Variants in VCF1 observed in about 807,000 individuals in gnomAD.
The protein encoded by VCF1 is protein VCF1.
At chr17:73,223,259 G>A in the VCF1 span, among the ~76,000 whole-genome samples, 1 of 152,168 alleles carries the variant, frequency 6.6e-6, no homozygotes, top group African/African-American at 2.4e-5. Context: ...AGAGGTTATG[G>A]CAAGCCGAGA....
At chr17:73,227,309 C>T in the VCF1 span, 21 of 1,469,564 alleles carry the variant, frequency 1.4e-5, no homozygotes, top group African/African-American at 8.7e-5. Flanking sequence ...CCCAAACAAC[C>T]GATGTTTTGG....
At chr17:73,229,337 T>C in the VCF1 span, 13 of 985,486 alleles carry the variant, frequency 1.3e-5, no homozygotes, top group African/African-American at 1.7e-5. Flanking sequence ...TACAGCTTCA[T>C]GCTCATCCCT....
At chr17:73,224,566 C>G in the VCF1 span, among the ~76,000 whole-genome samples, 3 of 152,146 alleles carry the variant, frequency 2.0e-5, no homozygotes, top group African/African-American at 7.2e-5. Context: ...AATATTTTGT[C>G]TAAATTGTTA....
the VCF1 span, among the ~76,000 whole-genome samples, chr17:73,211,153 CAT>C: frequency 6.6e-6 from 1 of 152,084 alleles, no homozygotes; most frequent in East Asian, 1.9e-4. Context: ...AAAGTCTACA[CAT>C]AAGAAAAAAA....
the VCF1 span, chr17:73,212,546 CAA>C: frequency 1.6e-6 from 1 of 612,016 alleles, no homozygotes; most frequent in Admixed American, 3.8e-5. Context: ...CTTAAGAAGT[CAA>C]AGTCAAAAAC....
At chr17:73,223,678 T>C in the VCF1 span, among the ~76,000 whole-genome samples, 1 of 151,846 alleles carries the variant, frequency 6.6e-6, no homozygotes, top group African/African-American at 2.4e-5. Flanking sequence ...GTTCAAGTTA[T>C]AAGAAAAAGA....
the VCF1 span, chr17:73,209,342 T>C: frequency 1.3e-6 from 1 of 774,346 alleles, no homozygotes; most frequent in Non-Finnish European, 2.0e-6. Context: ...CAAAGCCCCT[T>C]TGAAATTGCA....
the VCF1 span, chr17:73,227,649 C>G: frequency 7.3e-5 from 72 of 986,854 alleles, no homozygotes; most frequent in Non-Finnish European, 8.2e-5. Context: ...ATTGTACTCC[C>G]TTCCATATGA....
chr17:73,232,112 A>C, the VCF1 span: 1 of 1,609,738 alleles, frequency 6.2e-7, no homozygotes, highest in Non-Finnish European at 8.5e-7. Context: ...CGCTCATGGC[A>C]GCTGGCGGAT....
chr17:73,224,930 G>GACAGGACAGGACAGGACAGC, the VCF1 span, among the ~76,000 whole-genome samples: 1 of 85,800 alleles, frequency 1.2e-5, no homozygotes. Context: ...GACAGGACAG[G>GACAGGACAGGACAGGACAGC]ACAGCACAGC....
the VCF1 span, among the ~76,000 whole-genome samples, chr17:73,222,040 A>AC: frequency 6.7e-6 from 1 of 148,874 alleles, no homozygotes. Flanking sequence ...TGTCTCAAAA[A>AC]AAAAAAAAAA....
At chr17:73,209,543 G>A in the VCF1 span, 18 of 1,584,650 alleles carry the variant, frequency 1.1e-5, no homozygotes, top group East Asian at 9.2e-5. Context: ...GTCAGAGGCC[G>A]CCCTCGGTGC....
the VCF1 span, among the ~76,000 whole-genome samples, chr17:73,218,225 G>A: frequency 1.3e-5 from 2 of 152,164 alleles, no homozygotes; most frequent in African/African-American, 2.4e-5. Flanking sequence ...AAAATTTTGT[G>A]CTTCCAAAGT....
the VCF1 span, among the ~76,000 whole-genome samples, chr17:73,226,316 G>A: frequency 6.6e-6 from 1 of 152,228 alleles, no homozygotes; most frequent in Non-Finnish European, 1.5e-5. Context: ...GAAAGTTCCT[G>A]ATTTTTCCCC....
At chr17:73,215,065 G>A in the VCF1 span, among the ~76,000 whole-genome samples, 15 of 152,328 alleles carry the variant, frequency 9.8e-5, no homozygotes, top group African/African-American at 3.6e-4. Context: ...ACCCCTTGCA[G>A]GTCTGTGAAC....
the VCF1 span, among the ~76,000 whole-genome samples, chr17:73,220,797 T>TA: frequency 2.0e-5 from 3 of 150,834 alleles, no homozygotes; most frequent in East Asian, 5.8e-4. Flanking sequence ...CACACTGGTC[T>TA]AAAAAATCAA....
chr17:73,215,988 T>C, the VCF1 span, among the ~76,000 whole-genome samples: 1 of 150,078 alleles, frequency 6.7e-6, no homozygotes, highest in Non-Finnish European at 1.5e-5. Flanking sequence ...CAGGAGTGAG[T>C]GAGAGGGAAA....
chr17:73,211,049 T>C, the VCF1 span, among the ~76,000 whole-genome samples: 3 of 152,368 alleles, frequency 2.0e-5, no homozygotes, highest in East Asian at 3.9e-4. Context: ...ATCTAGCATA[T>C]AATTGTTTTT....
chr17:73,220,881 T>C, the VCF1 span, among the ~76,000 whole-genome samples: 351 of 150,040 alleles, frequency 2.3e-3, 2 homozygotes, highest in Non-Finnish European at 4.2e-3. Flanking sequence ...GTATTGCTTT[T>C]TTTTTAATTT....
Sources: allele counts gnomAD v4.1 joint callset (sites outside exome capture counted in the v4.1 genomes callset), GRCh38; gene constraint gnomAD v4.1.1; transcripts MANE v1.5; gene names NCBI Gene and HGNC (gene_info 2026-07-23, HGNC 2026-07-21).